VRK2: variants seen among roughly 807,000 people sequenced by gnomAD.
VRK2 encodes VRK serine/threonine kinase 2, also known as serine/threonine-protein kinase VRK2.
VRK2 carries 60 observed loss-of-function variants against 57.6 expected under a neutral mutation model. The observed-to-expected ratio is 1.04, with a 90% CI of 0.85 to 1.29. The LOEUF (loss-of-function observed/expected upper bound fraction) is 1.29. VRK2 is among the 50% of genes most tolerant of loss of function. The probability of loss-of-function intolerance (pLI) is 0.00; values close to 1 mark genes in which losing one functional copy is unlikely to be tolerated. For missense variants in VRK2, 705 were observed against 588.1 expected (o/e 1.20, Z -2.06); for synonymous variants, 231 against 199.2 (o/e 1.16, Z -1.35).
chr2:58,051,643 G>A (rs1031914554), intron 2 of VRK2, among the ~76,000 whole-genome samples: 6 of 152,166 alleles, frequency 3.9e-5, no homozygotes, highest in Admixed American at 2.0e-4. Context: ...CTTGATCAGC[G>A]TTTACTGCCT....
chr2:58,120,781 A>G (rs1385715456), intron 7 of VRK2, among the ~76,000 whole-genome samples: 2 of 152,184 alleles, frequency 1.3e-5, no homozygotes, highest in African/African-American at 2.4e-5. Context: ...ATTCCTTTGC[A>G]GGATATTAGT....
chr2:58,120,179 C>CTTTTTTTTTTTTTTTTTTTTTTTTTTTT (rs1677207512), intron 7 of VRK2, among the ~76,000 whole-genome samples: 1 of 93,368 alleles, frequency 1.1e-5, no homozygotes, highest in Non-Finnish European at 2.1e-5. Context: ...ATTTTTTTTT[C>CTTTTTTTTTTTTTTTTTTTTTTTTTTTT]TTTTCTTTTT....
chr2:58,148,004 A>C (rs1682424698), intron 12 of VRK2, among the ~76,000 whole-genome samples: 1 of 151,852 alleles, frequency 6.6e-6, no homozygotes, highest in South Asian at 2.1e-4. Flanking sequence ...TATAGTTGCT[A>C]CAAACATTCT....
chr2:58,146,181 C>T (rs1682092802), intron 11 of VRK2, 135 bp from the exon 12 acceptor site: 1 of 744,848 alleles, frequency 1.3e-6, no homozygotes, highest in Admixed American at 3.3e-5. Flanking sequence ...GTAATGTCCA[C>T]TTGCTGCTTT....
intron 7 of VRK2, among the ~76,000 whole-genome samples, chr2:58,103,965 A>G (rs1674383651): frequency 6.6e-6 from 1 of 151,868 alleles, no homozygotes; most frequent in South Asian, 2.1e-4. Context: ...AAGCAGAATT[A>G]AAAACAAAAA....
intron 1 of VRK2, among the ~76,000 whole-genome samples, chr2:57,951,032 C>T (rs932264289): frequency 5.3e-5 from 8 of 151,972 alleles, no homozygotes; most frequent in African/African-American, 1.9e-4. Context: ...GCAAAGGTTG[C>T]AGTGAGCCGA....
intron 2 of VRK2, among the ~76,000 whole-genome samples, chr2:58,080,199 C>T (rs1258505409): frequency 2.0e-5 from 3 of 151,860 alleles, no homozygotes; most frequent in Non-Finnish European, 2.9e-5. Context: ...GTATTCAGTC[C>T]TATCTATTTT....
At chr2:57,979,016 T>C (rs1672335244) in intron 1 of VRK2, among the ~76,000 whole-genome samples, 1 of 151,186 alleles carries the variant, frequency 6.6e-6, no homozygotes, top group Non-Finnish European at 1.5e-5. Flanking sequence ...CATAGCTGCA[T>C]AGTTTTCCAT....
At chr2:58,007,228 C>G (rs923390969) in intron 1 of VRK2, among the ~76,000 whole-genome samples, 2 of 151,308 alleles carry the variant, frequency 1.3e-5, no homozygotes, top group African/African-American at 4.9e-5. Context: ...CTCTCTCTCT[C>G]TCTCTCTCTC....
At chr2:57,931,615 A>C (rs1046170476) in intron 1 of VRK2, among the ~76,000 whole-genome samples, 2 of 152,100 alleles carry the variant, frequency 1.3e-5, no homozygotes, top group Non-Finnish European at 2.9e-5. Context: ...GAAATGTATT[A>C]GTTCGATATA....
At chr2:58,152,160 A>G (rs1400717519) in intron 12 of VRK2, among the ~76,000 whole-genome samples, 1 of 151,926 alleles carries the variant, frequency 6.6e-6, no homozygotes, top group African/African-American at 2.4e-5. Flanking sequence ...TATAATCAGA[A>G]TAATATTACT....
intron 2 of VRK2, among the ~76,000 whole-genome samples, chr2:58,064,865 C>T (rs561997905): frequency 7.9e-4 from 120 of 151,886 alleles, no homozygotes; most frequent in Non-Finnish European, 1.4e-3. Context: ...AAAACATAAA[C>T]ATTTTTAACA....
intron 1 of VRK2, among the ~76,000 whole-genome samples, chr2:57,919,052 A>T (rs554915543): frequency 6.6e-6 from 1 of 152,110 alleles, no homozygotes; most frequent in Non-Finnish European, 1.5e-5. Context: ...GCAAAGTATA[A>T]AAATACTTGT....
At chr2:58,096,763 C>A (rs1057346162) in intron 7 of VRK2, among the ~76,000 whole-genome samples, 6 of 150,104 alleles carry the variant, frequency 4.0e-5, no homozygotes, top group African/African-American at 1.5e-4. Flanking sequence ...TTAGTTTTAC[C>A]TTTCTCTTCT....
intron 1 of VRK2, 92 bp from the exon 2 acceptor site, chr2:58,048,735 T>C: frequency 8.5e-6 from 13 of 1,525,148 alleles, no homozygotes; most frequent in Non-Finnish European, 1.1e-5. Flanking sequence ...CTGGGAAAGT[T>C]CCCTATTGAA....
At chr2:57,916,213 C>T (rs1670143798) in intron 1 of VRK2, among the ~76,000 whole-genome samples, 1 of 151,908 alleles carries the variant, frequency 6.6e-6, no homozygotes, top group Non-Finnish European at 1.5e-5. Context: ...TCGAGACCAG[C>T]CTGACCAACA....
chr2:58,136,113 C>T (rs1000552426), intron 10 of VRK2, among the ~76,000 whole-genome samples: 3 of 152,108 alleles, frequency 2.0e-5, no homozygotes, highest in Non-Finnish European at 2.9e-5. Flanking sequence ...ACATTCACAG[C>T]CTTTCTTTCA....
At chr2:57,999,848 A>G (rs559764312) in intron 1 of VRK2, among the ~76,000 whole-genome samples, 1 of 152,330 alleles carries the variant, frequency 6.6e-6, no homozygotes, top group South Asian at 2.1e-4. Context: ...ATACTTGTGT[A>G]TTAAAAACTA....
intron 1 of VRK2, among the ~76,000 whole-genome samples, chr2:58,023,346 T>C (rs1286125517): frequency 6.6e-5 from 10 of 152,248 alleles, no homozygotes; most frequent in Admixed American, 5.9e-4. Context: ...TGTGTGTATA[T>C]GTGTGTGTTT....
Sources: gnomAD v4.1 joint callset for allele counts (sites outside exome capture counted in the v4.1 genomes callset) on GRCh38, gnomAD v4.1.1 for gene constraint, MANE v1.5 for transcripts, NCBI Gene and HGNC (gene_info 2026-07-23, HGNC 2026-07-21) for gene names.